PAN3: variants seen among roughly 807,000 people sequenced by gnomAD.
The protein encoded by PAN3 is poly(A) specific ribonuclease subunit PAN3, also known as PAN2-PAN3 deadenylation complex subunit PAN3.
A neutral mutation model predicts 96.2 loss-of-function variants in PAN3; 19 were observed. That is an observed-to-expected ratio of 0.20 (90% CI 0.14 to 0.29). PAN3 has a LOEUF of 0.29. Among genes scored for constraint, PAN3 ranks in the 10% least tolerant of loss-of-function variants. The probability of loss-of-function intolerance (pLI) is 1.00; values close to 1 mark genes in which losing one functional copy is unlikely to be tolerated. For synonymous variants in PAN3, 433 were observed against 406.6 expected, an observed-to-expected ratio of 1.06 and a Z score of -0.78; for missense variants, 882 against 1,108.1, an observed-to-expected ratio of 0.80 and a Z score of 2.90.
intron 14 of PAN3, among the ~76,000 whole-genome samples, chr13:28,272,694 C>T (rs748766079): frequency 1.1e-4 from 16 of 152,114 alleles, no homozygotes; most frequent in East Asian, 7.7e-4. Flanking sequence ...CTCAGCCTCC[C>T]GAGTAGCTGG....
At chr13:28,163,331 A>C (rs1179263807) in intron 1 of PAN3, among the ~76,000 whole-genome samples, 2 of 152,130 alleles carry the variant, frequency 1.3e-5, no homozygotes, top group African/African-American at 4.8e-5. Flanking sequence ...TTTTTTCTCA[A>C]ATGAGTGATA....
At chr13:28,204,095 G>C (rs1028896982) in intron 5 of PAN3, among the ~76,000 whole-genome samples, 4 of 151,992 alleles carry the variant, frequency 2.6e-5, no homozygotes, top group Admixed American at 6.6e-5. Context: ...AGGCGTGAGC[G>C]ACCACGCCCG....
intron 6 of PAN3, among the ~76,000 whole-genome samples, chr13:28,245,662 A>G (rs1381095131): frequency 2.6e-5 from 4 of 152,200 alleles, no homozygotes; most frequent in South Asian, 4.1e-4. Context: ...GTATCTGTTA[A>G]CCAACACTTC....
intron 13 of PAN3, 54 bp downstream of exon 13, chr13:28,270,920 CT>C: frequency 6.7e-7 from 1 of 1,487,552 alleles, no homozygotes; most frequent in South Asian, 1.2e-5. Flanking sequence ...CCTTTGACAG[CT>C]TAGTAAACAA....
At chr13:28,175,011 T>C (rs1167404345) in intron 2 of PAN3, among the ~76,000 whole-genome samples, 1 of 152,222 alleles carries the variant, frequency 6.6e-6, no homozygotes, top group African/African-American at 2.4e-5. Context: ...ATCATATGAC[T>C]GCATGCAATG....
In PAN3 at chr13:28,138,860, A is replaced by C. The variant is rs1262183033; in HGVS notation, c.203A>C (p.His68Pro). The C allele has an allele frequency of 7.0e-7, 1 of 1,423,916 alleles. No homozygotes were observed. The allele number at this position is 1,423,916 out of a possible 1,614,324, so 88.2% of individuals were successfully genotyped here. Residue 68 changes from histidine to proline, a missense_variant, in exon 1 of 19, where the codon CAT becomes CCT. His to Pro is a moderately conservative substitution (Grantham distance 77). Coordinates refer to ENST00000380958, the MANE Select transcript of PAN3 (RefSeq NM_175854.8). ...CFYGEECQFL[H>P]EDPAAGAAPG... ...TACGGGGAGGAGTGTCAGTTCCTGC[A>C]TGAGGACCCTGCCGCCGGGGCTGCC...
chr13:28,291,702 G>T (rs1869769100), intron 18 of PAN3, among the ~76,000 whole-genome samples: 1 of 152,056 alleles, frequency 6.6e-6, no homozygotes, highest in African/African-American at 2.4e-5. Flanking sequence ...GTGGTGGCAG[G>T]TGCCTATAAT....
intron 1 of PAN3, among the ~76,000 whole-genome samples, chr13:28,168,870 T>C (rs1044161324): frequency 1.3e-5 from 2 of 151,182 alleles, no homozygotes; most frequent in Non-Finnish European, 2.9e-5. Context: ...TACAAAAAAT[T>C]ACTTGGGTGT....
At chr13:28,152,333 C>T (rs1871466932) in intron 1 of PAN3, among the ~76,000 whole-genome samples, 1 of 152,118 alleles carries the variant, frequency 6.6e-6, no homozygotes, top group Non-Finnish European at 1.5e-5. Flanking sequence ...CCTGTAATCC[C>T]ACTACTTTGG....
chr13:28,253,320 G>A (rs1191613918), intron 6 of PAN3, among the ~76,000 whole-genome samples: 3 of 152,026 alleles, frequency 2.0e-5, no homozygotes, highest in African/African-American at 7.2e-5. Flanking sequence ...ACTGTATGTA[G>A]GCACTTAAGA....
intron 5 of PAN3, among the ~76,000 whole-genome samples, chr13:28,202,265 G>T (rs991546592): frequency 1.3e-5 from 2 of 152,108 alleles, no homozygotes; most frequent in Admixed American, 1.3e-4. Context: ...GCCAAGATCT[G>T]TTCTAAATCT....
intron 6 of PAN3, among the ~76,000 whole-genome samples, chr13:28,241,279 A>G (rs1017396175): frequency 7.9e-5 from 12 of 152,210 alleles, no homozygotes; most frequent in Non-Finnish European, 1.3e-4. Flanking sequence ...AGGACAAAAG[A>G]AAGAAAAAAG....
At chr13:28,154,135 T>C (rs1871771088) in intron 1 of PAN3, among the ~76,000 whole-genome samples, 1 of 152,246 alleles carries the variant, frequency 6.6e-6, no homozygotes, top group Non-Finnish European at 1.5e-5. Flanking sequence ...GTTGTTGATA[T>C]TCAAGTTTGT....
intron 6 of PAN3, among the ~76,000 whole-genome samples, chr13:28,233,454 A>G (rs991209940): frequency 2.0e-5 from 3 of 151,892 alleles, no homozygotes; most frequent in African/African-American, 4.8e-5. Context: ...TTTAGTAGAG[A>G]TGGGGTTTCA....
intron 7 of PAN3, among the ~76,000 whole-genome samples, chr13:28,257,956 G>A (rs1054468961): frequency 2.0e-5 from 3 of 151,362 alleles, no homozygotes; most frequent in East Asian, 1.9e-4. Context: ...GACTACAGAC[G>A]CACACCACCA....
At chr13:28,140,643 A>AGG (rs1869627383) in intron 1 of PAN3, among the ~76,000 whole-genome samples, 3 of 152,250 alleles carry the variant, frequency 2.0e-5, no homozygotes, top group African/African-American at 7.2e-5. Flanking sequence ...GGGCCTCCCA[A>AGG]AGTGCTGGGA....
At chr13:28,140,469 A>G (rs1593339395) in intron 1 of PAN3, among the ~76,000 whole-genome samples, 4 of 152,308 alleles carry the variant, frequency 2.6e-5, no homozygotes, top group Admixed American at 2.0e-4. Flanking sequence ...TTTCTTAAAC[A>G]CTGTTAATGA....
At chr13:28,266,669 T>A in intron 9 of PAN3, 46 bp from the exon 10 acceptor site, 7 of 1,411,230 alleles carry the variant, frequency 5.0e-6, no homozygotes, top group Non-Finnish European at 5.7e-6. Flanking sequence ...GAGAAAGATT[T>A]ATGAATGCCT....
chr13:28,197,317 T>C lies in PAN3; in HGVS notation c.823T>C (p.Trp275Arg), dbSNP rs1055299963. Residue 275 changes from tryptophan (W) to arginine (R), a missense_variant, in exon 5 of 19, where the codon TGG becomes CGG. Coordinates refer to ENST00000380958, the MANE Select transcript of PAN3 (RefSeq NM_175854.8). The part of the protein sequence containing the change: ...KSGVPINMVW[W>R]NRVTENNLQT... ...AGGAGTACCCATCAATATGGTTTGG[T>C]GGAACAGAGTCACAGAAAACAATTT... 4 of 1,607,946 alleles carry C rather than the reference T, an allele frequency of 2.5e-6. No individual in the cohort carries two copies. The highest frequency in any genetic ancestry group is 1.7e-4 in the Middle Eastern group (1 of 6,042).
Sources: gnomAD v4.1 joint callset for allele counts (sites outside exome capture counted in the v4.1 genomes callset) on GRCh38, gnomAD v4.1.1 for gene constraint, MANE v1.5 for transcripts, NCBI Gene and HGNC (gene_info 2026-07-23, HGNC 2026-07-21) for gene names.